The following AGBL1 variants were observed in gnomAD, a reference collection of about 807,000 sequenced individuals.
The protein encoded by AGBL1 is AGBL carboxypeptidase 1.
AGBL1 carries 130 observed loss-of-function variants against 118.9 expected under a neutral mutation model. The observed-to-expected ratio is 1.09, with a 90% CI of 0.95 to 1.26. The LOEUF (loss-of-function observed/expected upper bound fraction) is 1.26. AGBL1 is among the 50% of genes most tolerant of loss of function. The pLI, the probability that AGBL1 is intolerant of heterozygous loss-of-function variation, is 0.00. For missense variants in AGBL1, 1,584 were observed against 1,298.1 expected, an observed-to-expected ratio of 1.22 and a Z score of -3.38; for synonymous variants, 555 against 478.9, an observed-to-expected ratio of 1.16 and a Z score of -2.08.
intron 22 of AGBL1, among the ~76,000 whole-genome samples, chr15:86,780,723 G>A (rs186498567): frequency 8.9e-4 from 134 of 151,256 alleles, no homozygotes; most frequent in African/African-American, 2.1e-3. Flanking sequence ...GCTCAGTGGC[G>A]TGATATCTTG....
chr15:86,804,330 CTG>C (rs1317352408), intron 22 of AGBL1, among the ~76,000 whole-genome samples: 1 of 152,118 alleles, frequency 6.6e-6, no homozygotes, highest in Non-Finnish European at 1.5e-5. Flanking sequence ...GTATTACTGA[CTG>C]TTGAGAAATT....
intron 21 of AGBL1, among the ~76,000 whole-genome samples, chr15:86,586,344 C>T (rs560608625): frequency 5.5e-4 from 83 of 151,958 alleles, no homozygotes; most frequent in African/African-American, 1.7e-3. Flanking sequence ...TATAATAAAT[C>T]GTAATATTTA....
At chr15:86,640,978 TTTA>T (rs1439114538) in intron 21 of AGBL1, among the ~76,000 whole-genome samples, 3 of 152,228 alleles carry the variant, frequency 2.0e-5, no homozygotes, top group African/African-American at 7.2e-5. Context: ...GATTTTTTTT[TTTA>T]TGTGCCTTTT....
intron 1 of AGBL1, among the ~76,000 whole-genome samples, chr15:86,130,825 C>T (rs1054641829): frequency 1.3e-5 from 2 of 152,078 alleles, no homozygotes; most frequent in Non-Finnish European, 2.9e-5. Flanking sequence ...ATTTTTCTCA[C>T]ATTTTGGTGG....
chr15:86,805,374 TCCTCTGCCCACTCTGC>T (rs2078702591), intron 22 of AGBL1, among the ~76,000 whole-genome samples: 1 of 152,094 alleles, frequency 6.6e-6, no homozygotes, highest in African/African-American at 2.4e-5. Context: ...AGAGCCTTGT[TCCTCTGCCCACTCTGC>T]CCGCTGCCCA....
At chr15:86,477,054 C>T (rs1014174678) in intron 18 of AGBL1, among the ~76,000 whole-genome samples, 1 of 152,086 alleles carries the variant, frequency 6.6e-6, no homozygotes, top group Non-Finnish European at 1.5e-5. Context: ...ACACAACATA[C>T]CAGAATCTCT....
intron 21 of AGBL1, among the ~76,000 whole-genome samples, chr15:86,627,622 A>G (rs2142427249): frequency 6.6e-6 from 1 of 152,350 alleles, no homozygotes; most frequent in African/African-American, 2.4e-5. Flanking sequence ...GGAAATACAT[A>G]AAGAGAAAAG....
chr15:86,196,925 A>ACACACT, intron 5 of AGBL1, among the ~76,000 whole-genome samples: 2 of 149,212 alleles, frequency 1.3e-5, no homozygotes, highest in South Asian at 2.1e-4. Context: ...ACACACACAC[A>ACACACT]CGAAAGGCCA....
chr15:86,627,497 T>C (rs1210845398), intron 21 of AGBL1, among the ~76,000 whole-genome samples: 1 of 152,120 alleles, frequency 6.6e-6, no homozygotes, highest in East Asian at 1.9e-4. Context: ...TTCTGGAGTA[T>C]TAGAGACAGG....
chr15:86,603,946 GGT>G (rs2084535184), intron 21 of AGBL1, among the ~76,000 whole-genome samples: 1 of 151,960 alleles, frequency 6.6e-6, no homozygotes, highest in African/African-American at 2.4e-5. Flanking sequence ...ATTTCAAAAG[GGT>G]GTTTCAGATT....
intron 18 of AGBL1, among the ~76,000 whole-genome samples, chr15:86,418,280 A>G (rs752434736): frequency 1.3e-5 from 2 of 152,174 alleles, no homozygotes. Context: ...ACCACTTTCT[A>G]ATCTATTTTA....
intron 17 of AGBL1, among the ~76,000 whole-genome samples, chr15:86,383,826 C>A (rs1221313949): frequency 3.3e-5 from 5 of 152,116 alleles, no homozygotes; most frequent in Non-Finnish European, 7.4e-5. Context: ...TGTTCTAATA[C>A]TTTTTTTCAG....
chr15:86,269,384 A>G (rs1316585522), intron 13 of AGBL1, among the ~76,000 whole-genome samples: 1 of 152,246 alleles, frequency 6.6e-6, no homozygotes, highest in African/African-American at 2.4e-5. Context: ...TCAAATAGCA[A>G]TGGCATATCC....
At chr15:86,209,347 C>A (rs1476788494) in intron 5 of AGBL1, among the ~76,000 whole-genome samples, 1 of 152,098 alleles carries the variant, frequency 6.6e-6, no homozygotes, top group Non-Finnish European at 1.5e-5. Flanking sequence ...TGGTGCAGAG[C>A]TGAGTTTAAG....
At chr15:86,885,106 A>T (rs2079951605) in intron 22 of AGBL1, among the ~76,000 whole-genome samples, 1 of 112,076 alleles carries the variant, frequency 8.9e-6, no homozygotes, top group Non-Finnish European at 1.8e-5. Context: ...AATTATATAT[A>T]ATGTGTAAAA....
intron 17 of AGBL1, among the ~76,000 whole-genome samples, chr15:86,367,237 C>T (rs1459864852): frequency 6.6e-6 from 1 of 152,132 alleles, no homozygotes; most frequent in Non-Finnish European, 1.5e-5. Flanking sequence ...AAACAATGCC[C>T]TCAGAATTTA....
At chr15:86,372,068 T>C (rs564833643) in intron 17 of AGBL1, among the ~76,000 whole-genome samples, 1 of 152,326 alleles carries the variant, frequency 6.6e-6, no homozygotes, top group Admixed American at 6.5e-5. Context: ...TGCTGGGCTT[T>C]TCATCCTGGT....
chr15:86,485,648 T>G (rs74025142), intron 18 of AGBL1, among the ~76,000 whole-genome samples: 2,631 of 152,230 alleles, frequency 0.017, 77 homozygotes, highest in African/African-American at 0.061. Context: ...TGCTCACCCT[T>G]GTAAAAATGT....
Position 86,564,757 on chromosome 15 carries a change from T to C in AGBL1, c.2994+10220T>C, listed in dbSNP as rs367849588. Among the ~76,000 whole-genome samples, 33 of 152,336 alleles carry C rather than the reference T, an allele frequency of 2.2e-4. No individual in the cohort carries two copies. The East Asian group carries it at 2.3e-3, about 11-fold the overall frequency. On this transcript the variant is annotated intron_variant, in intron 21 of 22. Coordinates refer to ENST00000614907, the MANE Select transcript of AGBL1 (RefSeq NM_001386094.1). ...ACTTGGTTCCATTCACCCCATCACT[T>C]TCAGGTACACCAATCAGATGTAGAT...
Sources: gnomAD v4.1 joint callset for allele counts (sites outside exome capture counted in the v4.1 genomes callset) on GRCh38, gnomAD v4.1.1 for gene constraint, MANE v1.5 for transcripts, NCBI Gene and HGNC (gene_info 2026-07-23, HGNC 2026-07-21) for gene names.